Variants in NPHP4 observed in about 807,000 individuals in gnomAD.
NPHP4 encodes nephrocystin 4.
Under a neutral mutation model 155.8 loss-of-function variants are expected in NPHP4, and 151 were observed. The observed-to-expected ratio is 0.97, with a 90% CI of 0.85 to 1.11. NPHP4 has a LOEUF of 1.11. Ranked by LOEUF, NPHP4 falls within the 50% of genes least tolerant of loss-of-function variation. The pLI, the probability that NPHP4 is intolerant of heterozygous loss-of-function variation, is 0.00. For missense variants in NPHP4, 1,956 were observed against 1,925.7 expected (o/e 1.02, Z -0.29); for synonymous variants, 845 against 816.8 (o/e 1.03, Z -0.59).
chr1:5,863,123 C>T lies in NPHP4; in HGVS notation c.*142G>A, dbSNP rs1640809121. ...CAAAATGACCAGCGCTCGGTCTCTG[C>T]TTCCTCAGCCAAGTGCACAGGTCAG... On this transcript the variant is annotated 3_prime_UTR_variant, in exon 30 of 30. Transcript: ENST00000378156. 2 of 849,212 alleles carry T rather than the reference C, an allele frequency of 2.4e-6. No individual in the cohort carries two copies. Among genetic ancestry groups the T allele is most frequent in the Admixed American group, 1.9e-5 (1 of 51,650 alleles). 52.6% of individuals were successfully genotyped at this position (849,212 alleles called of 1,614,324 possible).
At chr1:5,980,809 G>C (rs1654554961) in intron 2 of NPHP4, among the ~76,000 whole-genome samples, 1 of 151,836 alleles carries the variant, frequency 6.6e-6, no homozygotes, top group Non-Finnish European at 1.5e-5. Flanking sequence ...AAGGTGGGCA[G>C]AGCAGGTCTG....
At chr1:5,947,410 A>G (rs1200571816) in intron 8 of NPHP4, among the ~76,000 whole-genome samples, 180 bp from the exon 9 acceptor site, 1 of 152,178 alleles carries the variant, frequency 6.6e-6, no homozygotes, top group African/African-American at 2.4e-5. Flanking sequence ...AAATTCCCCA[A>G]AACGCTGCTT....
chr1:5,873,391 C>A, intron 22 of NPHP4, 56 bp from the exon 23 acceptor site: 2 of 1,430,778 alleles, frequency 1.4e-6, no homozygotes, highest in East Asian at 2.3e-5. Context: ...AGGCGACCAG[C>A]ACCTGTGCTT....
chr1:5,872,037 G>A (rs1461168689), intron 23 of NPHP4, among the ~76,000 whole-genome samples: 1 of 152,210 alleles, frequency 6.6e-6, no homozygotes, highest in Non-Finnish European at 1.5e-5. Flanking sequence ...AATCTTACCT[G>A]AACTTTCCTT....
intron 12 of NPHP4, 73 bp from the exon 13 acceptor site, chr1:5,907,295 T>A: frequency 1.1e-6 from 1 of 947,832 alleles, no homozygotes; most frequent in Non-Finnish European, 1.6e-6. Context: ...CAACATGCAC[T>A]GGCCACACCG....
chr1:5,908,231 G>A (rs1557707545), intron 12 of NPHP4, among the ~76,000 whole-genome samples: 6 of 152,220 alleles, frequency 3.9e-5, no homozygotes, highest in South Asian at 4.1e-4. Context: ...ACCACTCGGG[G>A]TCACGTGGAA....
intron 5 of NPHP4, 46 bp downstream of exon 5, chr1:5,967,253 A>G (rs747957682): frequency 2.1e-6 from 3 of 1,443,842 alleles, no homozygotes; most frequent in Non-Finnish European, 2.9e-6. Context: ...CACTCAGGGA[A>G]GGCACGAGAG....
At chr1:5,953,741 G>A (rs1404122338) in intron 6 of NPHP4, among the ~76,000 whole-genome samples, 1 of 152,192 alleles carries the variant, frequency 6.6e-6, no homozygotes, top group Non-Finnish European at 1.5e-5. Context: ...GAAGGACCCT[G>A]GGCTGCCTGG....
Position 5,882,918 on chromosome 1 carries a change from C to T in NPHP4, c.2486-2679G>A, listed in dbSNP as rs1290931486. On this transcript the variant is annotated intron_variant, in intron 18 of 29. Transcript: ENST00000378156. The surrounding 1 kb of genome is among the most constrained non-coding windows in gnomAD (Gnocchi z 5.1). ...CTCGTGGTCACAGGATCAAGATCCT[C>T]GTCCCTAAGAAAGGAACCCAGATCA... The T allele has an allele frequency of 6.6e-6, 1 of 152,298 alleles. No individual in the cohort carries two copies. The highest frequency in any genetic ancestry group is 2.4e-5 in the African/African-American group (1 of 41,442). The allele number at this position is 152,298 out of a possible 1,614,324, so 9.4% of individuals were successfully genotyped here. A position where few individuals can be genotyped will look rare whatever the true frequency, so the allele number is the denominator to read the frequency against.
chr1:5,884,171 C>T (rs546830730), intron 18 of NPHP4, among the ~76,000 whole-genome samples: 4 of 152,266 alleles, frequency 2.6e-5, no homozygotes, highest in East Asian at 1.9e-4. Flanking sequence ...AGGTTACACC[C>T]GCACCAACAC....
At chr1:5,903,023 G>T (rs1644751263) in intron 16 of NPHP4, among the ~76,000 whole-genome samples, 1 of 152,142 alleles carries the variant, frequency 6.6e-6, no homozygotes, top group African/African-American at 2.4e-5. Flanking sequence ...AAATATATAT[G>T]AATGATGATC....
At chr1:5,982,309 T>C (rs553496795) in intron 2 of NPHP4, among the ~76,000 whole-genome samples, 32 of 152,374 alleles carry the variant, frequency 2.1e-4, no homozygotes, top group South Asian at 1.9e-3. Flanking sequence ...GTTTTTTCTA[T>C]GTTTGATATA....
Position 5,892,294 on chromosome 1 carries a change from A to G in NPHP4, c.2144-1266T>C, listed in dbSNP as rs1289348521. 3.3e-5 allele frequency among the ~76,000 whole-genome samples: 5 copies of G among 151,872 alleles called. No individual in the cohort carries two copies. The highest frequency in any genetic ancestry group is 7.4e-5 in the Non-Finnish European group (5 of 67,952). On this transcript the variant is annotated intron_variant, in intron 16 of 29. Transcript: ENST00000378156. This position sits in a 1 kb window ranked among gnomAD's most constrained non-coding sequence, Gnocchi z 4.5. ...TGGGGCTTGTCGGACAGTGGGTGAG[A>G]GTTGGGAGGCTGGTCAGAGGAGCCT...
At chr1:5,947,823 G>A (rs184893699) in intron 8 of NPHP4, among the ~76,000 whole-genome samples, 18 of 152,184 alleles carry the variant, frequency 1.2e-4, no homozygotes, top group Admixed American at 8.5e-4. Context: ...CTCAGCAGCC[G>A]CAGCTGGAAG....
chr1:5,906,254 A>G (rs1195930204), intron 13 of NPHP4, among the ~76,000 whole-genome samples: 1 of 152,248 alleles, frequency 6.6e-6, no homozygotes, highest in African/African-American at 2.4e-5. Context: ...GTGTTTGGAC[A>G]GTCTCTTGTC....
At chr1:5,948,880 C>T (rs757766576) in intron 7 of NPHP4, among the ~76,000 whole-genome samples, 15 of 152,148 alleles carry the variant, frequency 9.9e-5, no homozygotes, top group Non-Finnish European at 1.6e-4. Context: ...AATGTACAGG[C>T]GCTATAACAA....
chr1:5,960,821 G>T (rs1454233267), intron 6 of NPHP4, among the ~76,000 whole-genome samples: 1 of 151,976 alleles, frequency 6.6e-6, no homozygotes, highest in Non-Finnish European at 1.5e-5. Flanking sequence ...CACCACCAGA[G>T]AATCAACTTC....
intron 4 of NPHP4, among the ~76,000 whole-genome samples, chr1:5,968,699 C>A (rs191877838): frequency 6.6e-6 from 1 of 152,146 alleles, no homozygotes; most frequent in African/African-American, 2.4e-5. Context: ...CCTTCTACTG[C>A]CACCATAAGA....
At chr1:5,904,900 T>C (rs1274533952) in intron 15 of NPHP4, 96 bp from the exon 16 acceptor site, 4 of 1,245,312 alleles carry the variant, frequency 3.2e-6, no homozygotes, top group African/African-American at 1.5e-5. Flanking sequence ...CCAGGCACCT[T>C]AGTCGCTGGG....
Sources: gnomAD v4.1 joint callset for allele counts (sites outside exome capture counted in the v4.1 genomes callset) on GRCh38, gnomAD v4.1.1 for gene constraint, Gnocchi (gnomAD v3.1) non-coding constraint, MANE v1.5 for transcripts, NCBI Gene and HGNC (gene_info 2026-07-23, HGNC 2026-07-21) for gene names.